Variants in SLC25A29 observed in about 807,000 individuals in gnomAD.
SLC25A29 encodes the protein mitochondrial basic amino acids transporter.
Under a neutral mutation model 10.0 loss-of-function variants are expected in SLC25A29, and 13 were observed. That is an observed-to-expected ratio of 1.30 (90% CI 0.85 to 2.07). The LOEUF is 2.07. SLC25A29 is among the 30% of genes most tolerant of loss of function. SLC25A29 has a pLI of 0.00. For synonymous variants in SLC25A29, 244 were observed against 221.1 expected (o/e 1.10, Z -0.92); for missense variants, 475 against 447.6 (o/e 1.06, Z -0.55).
At chr14:100,303,593 A>G (rs1453488533) in intron 1 of SLC25A29, among the ~76,000 whole-genome samples, 4 of 152,214 alleles carry the variant, frequency 2.6e-5, no homozygotes, top group African/African-American at 9.6e-5. Flanking sequence ...AGAAGAACCC[A>G]TCCTCAGGAA....
At chr14:100,288,959 G>A (rs747933301), downstream of SLC25A29, among the ~76,000 whole-genome samples, 15 of 152,162 alleles carry the variant, frequency 9.9e-5, no homozygotes, top group Non-Finnish European at 1.9e-4. Flanking sequence ...ACTACAGTAG[G>A]GTGGGCCCTT....
chr14:100,288,768 T>G (rs1441028377), downstream of SLC25A29, among the ~76,000 whole-genome samples: 1 of 152,132 alleles, frequency 6.6e-6, no homozygotes, highest in East Asian at 1.9e-4. Context: ...GTTTATCCAA[T>G]GAAATATGCC....
At chr14:100,295,457 G>T in intron 2 of SLC25A29, 2 of 617,998 alleles carry the variant, frequency 3.2e-6, no homozygotes, top group Non-Finnish European at 4.8e-6. Context: ...ATCCAGAGGG[G>T]GCTGATTTTT....
intron 1 of SLC25A29, chr14:100,299,216 T>TTA: frequency 8.4e-7 from 1 of 1,186,974 alleles, no homozygotes; most frequent in Admixed American, 4.3e-5. Flanking sequence ...ACACACTATT[T>TTA]CTGGGATATC....
Position 100,294,004 on chromosome 14 carries a change from C to G in SLC25A29, c.79-627G>C, listed in dbSNP as rs545565740. 2.0e-5 allele frequency: 3 copies of G among 152,416 alleles called. No individual in the cohort carries two copies. In the East Asian group the frequency reaches 5.8e-4, roughly 29 times the overall value. 9.4% of individuals were successfully genotyped at this position (152,416 alleles called of 1,614,324 possible). A position where few individuals can be genotyped will look rare whatever the true frequency, so the allele number is the denominator to read the frequency against. On this transcript the variant is annotated intron_variant, in intron 2 of 3. Transcript: ENST00000359232. Reference sequence around the variant, plus strand: ...GCATACGCCTGTAATCCCTGCTACTCAGGAGGCTGAGGTGGGAGAATTGCT... The same window carrying G: ...GCATACGCCTGTAATCCCTGCTACTGAGGAGGCTGAGGTGGGAGAATTGCT...
At chr14:100,296,819 TG>T (rs1343603296) in intron 2 of SLC25A29, among the ~76,000 whole-genome samples, 6 of 152,234 alleles carry the variant, frequency 3.9e-5, no homozygotes, top group African/African-American at 1.4e-4. Context: ...AGGATGGTCT[TG>T]ATCTCCTGAC....
chr14:100,288,907 G>A (rs886679764), downstream of SLC25A29, among the ~76,000 whole-genome samples: 2 of 152,236 alleles, frequency 1.3e-5, no homozygotes, highest in Admixed American at 1.3e-4. Flanking sequence ...GCCTGATTTG[G>A]AACCTGGTCT....
In SLC25A29 at chr14:100,292,411, TGACGGGGAAGGCGCGCAGCAGCGTG is replaced by T; in HGVS notation, c.759_783del (p.Leu256ProfsTer83). 1 of 1,576,696 alleles carries T rather than the reference TGACGGGGAAGGCGCGCAGCAGCGTG, an allele frequency of 6.3e-7. No homozygotes were observed. The highest frequency in any genetic ancestry group is 8.6e-7 in the Non-Finnish European group (1 of 1,164,118). On this transcript the variant is annotated frameshift_variant, in exon 4 of 4. Coordinates refer to ENST00000359232, the MANE Select transcript of SLC25A29 (RefSeq NM_001039355.3). LOFTEE classifies it low-confidence loss of function (END_TRUNC). The stretch of plus-strand genomic sequence containing the variant: ...GTGACGGTGGCGAAGGTGGCAGCGT[TGACGGGGAAGGCGCGCAGCAGCGTG>T]GACGCCAGCCCCCGTGTGAAGACGC...
At chr14:100,298,757 C>T (rs555652087) in intron 2 of SLC25A29, 85 bp downstream of exon 2, 29 of 1,572,170 alleles carry the variant, frequency 1.8e-5, no homozygotes, top group South Asian at 6.7e-5. Flanking sequence ...GGGCTGTACA[C>T]GGAAACAGGC....
Position 100,292,288 on chromosome 14 carries a change from G to A in SLC25A29, c.907C>T (p.Leu303=), listed in dbSNP as rs1370028232. The change falls in exon 4 of 4, where the codon CTG becomes TTG. Residue 303 remains leucine (L), a synonymous_variant. Transcript: ENST00000359232. ...GAAGGAGGGCGGGGTGAGCGTCACA[G>A]GCTGGAGGGCTGCGCCAGGGCAGGC... ...AGPALAQPSS[L] 6 of 1,531,740 alleles carry A rather than the reference G, an allele frequency of 3.9e-6. No individual in the cohort carries two copies. The Admixed American group carries it at 1.2e-4, about 30-fold the overall frequency. The allele number at this position is 1,531,740 out of a possible 1,614,324, so 94.9% of individuals were successfully genotyped here.
At chr14:100,285,595 G>A in the SLC25A29 span, among the ~76,000 whole-genome samples, 1 of 152,068 alleles carries the variant, frequency 6.6e-6, no homozygotes, top group African/African-American at 2.4e-5. Flanking sequence ...AGCGTCCCCC[G>A]CGCGGAGTGA....
intron 2 of SLC25A29, among the ~76,000 whole-genome samples, chr14:100,297,640 G>GGCT (rs1892258600): frequency 6.6e-6 from 1 of 152,374 alleles, no homozygotes; most frequent in Non-Finnish European, 1.5e-5. Flanking sequence ...TGGGGCCGGG[G>GGCT]GCTGTGTGGG....
intron 1 of SLC25A29, chr14:100,304,941 G>C (rs536086944): frequency 9.1e-4 from 138 of 152,350 alleles, no homozygotes; most frequent in African/African-American, 3.3e-3. Context: ...CCACCCGCTG[G>C]AGCTGATAGT....
Position 100,297,861 on chromosome 14 carries a change from C to T in SLC25A29, c.78+981G>A, listed in dbSNP as rs560095751. Among the ~76,000 whole-genome samples the T allele has an allele frequency of 2.0e-5, 3 of 152,356 alleles. No individual in the cohort carries two copies. The South Asian group carries it at 6.2e-4, about 32-fold the overall frequency. Reference sequence around the variant, plus strand: ...CGTTTGAGCCCAAAGATACAGGGACCTGCCCAAGGTCATGCAGAAAACCGG... The same window carrying T: ...CGTTTGAGCCCAAAGATACAGGGACTTGCCCAAGGTCATGCAGAAAACCGG... On this transcript the variant is annotated intron_variant, in intron 2 of 3. Transcript: ENST00000359232.
the SLC25A29 span, among the ~76,000 whole-genome samples, chr14:100,285,036 T>C: frequency 1.5e-5 from 1 of 66,636 alleles, no homozygotes; most frequent in African/African-American, 7.3e-5. Flanking sequence ...AGACTCCGTC[T>C]AAAAAAGCGG....
chr14:100,299,334 G>T, intron 1 of SLC25A29: 1 of 1,023,060 alleles, frequency 9.8e-7, no homozygotes, highest in Non-Finnish European at 1.2e-6. Context: ...TCAGCCTGGC[G>T]TGCTCACAAA....
chr14:100,304,493 G>A (rs1008140404), intron 1 of SLC25A29, among the ~76,000 whole-genome samples: 1 of 152,202 alleles, frequency 6.6e-6, no homozygotes, highest in Non-Finnish European at 1.5e-5. Context: ...CACCTGGGAG[G>A]CTCAGGCTTA....
chr14:100,287,628 A>T (rs952123308), downstream of SLC25A29, among the ~76,000 whole-genome samples: 8 of 62,164 alleles, frequency 1.3e-4, no homozygotes, highest in East Asian at 1.2e-3. Flanking sequence ...CTGGAGCACC[A>T]CCCCCCCCCT....
At chr14:100,283,761 G>A in the SLC25A29 span, among the ~76,000 whole-genome samples, 4 of 152,116 alleles carry the variant, frequency 2.6e-5, no homozygotes, top group African/African-American at 4.8e-5. Context: ...GATTTCAGGC[G>A]TGAACCACCG....
Sources: allele counts gnomAD v4.1 joint callset (sites outside exome capture counted in the v4.1 genomes callset), GRCh38; gene constraint gnomAD v4.1.1; transcripts MANE v1.5; gene names NCBI Gene and HGNC (gene_info 2026-07-23, HGNC 2026-07-21).